Variants in AP2A2 observed in about 807,000 individuals in gnomAD.
AP2A2 encodes AP-2 complex subunit alpha-2.
A neutral mutation model predicts 104.2 loss-of-function variants in AP2A2; 32 were observed. The observed-to-expected ratio is 0.31, with a 90% CI of 0.23 to 0.41. AP2A2 has a LOEUF of 0.41. Among genes scored for constraint, AP2A2 ranks in the 10% least tolerant of loss-of-function variants. The pLI, the probability that AP2A2 is intolerant of heterozygous loss-of-function variation, is 1.00. For missense variants in AP2A2, 912 were observed against 1,261.0 expected (o/e 0.72, Z 4.19); for synonymous variants, 539 against 533.3 (o/e 1.01, Z -0.15).
At chr11:983,166 C>T (rs1004167422) in intron 6 of AP2A2, among the ~76,000 whole-genome samples, 1 of 150,886 alleles carries the variant, frequency 6.6e-6, no homozygotes, top group South Asian at 2.1e-4. Context: ...TACAGGCCGT[C>T]GCCACCACGC....
chr11:937,266 C>T lies in AP2A2; in HGVS notation c.67+11178C>T, dbSNP rs150063308. Among the ~76,000 whole-genome samples, 768 of 151,978 alleles carry T rather than the reference C, an allele frequency of 5.1e-3. 3 individuals are homozygous for T. Among genetic ancestry groups the T allele is most frequent in the Non-Finnish European group, 7.1e-3 (482 of 67,954 alleles). ...AACTCCCGACCTTAGGTGATCCGCC[C>T]GCTTCGGCCTCCCAAAGTGCTGGGA... On this transcript the variant is annotated intron_variant, in intron 1 of 21. Coordinates refer to ENST00000448903, the MANE Select transcript of AP2A2 (RefSeq NM_012305.4).
At chr11:975,763 G>A (rs570902783) in intron 4 of AP2A2, among the ~76,000 whole-genome samples, 1 of 149,060 alleles carries the variant, frequency 6.7e-6, no homozygotes, top group East Asian at 2.0e-4. Flanking sequence ...GTGAGCCGAC[G>A]TCGGAGAGTG....
rs368727985 is a variant in AP2A2 at position 985,532 on chromosome 11, G to A, written c.912G>A (p.Ala304=). ...PKSKKVQHSN[A]KNAVLFEAIS... ...CGAAGAAGGTCCAGCACTCCAACGC[G>A]AAGAATGCCGTGCTCTTCGAGGCCA... Residue 304 remains alanine (A), a synonymous_variant, in exon 8 of 22, where the codon GCG becomes GCA. Transcript: ENST00000448903. The A allele has an allele frequency of 3.7e-6, 6 of 1,613,950 alleles. No individual in the cohort carries two copies. Among genetic ancestry groups the A allele is most frequent in the Admixed American group, 1.7e-5 (1 of 60,008 alleles).
chr11:1,009,927 T>C lies in AP2A2; in HGVS notation c.2742+110T>C, dbSNP rs1007111529. Reference sequence around the variant, plus strand: ...GTGCAGTTCAGTCAGTTTTGACAGATGTTGTTTAACCACCACCCTGTCAAT... The same window carrying C: ...GTGCAGTTCAGTCAGTTTTGACAGACGTTGTTTAACCACCACCCTGTCAAT... On this transcript the variant is annotated intron_variant, in intron 21 of 21. Transcript: ENST00000448903. 2.9e-6 allele frequency: 4 copies of C among 1,366,042 alleles called. No homozygotes were observed. In the African/African-American group the frequency reaches 5.8e-5, roughly 20 times the overall value. 84.6% of individuals were successfully genotyped at this position (1,366,042 alleles called of 1,614,324 possible).
At chr11:1,004,932 G>A (rs28571573) in intron 16 of AP2A2, among the ~76,000 whole-genome samples, 149,627 of 152,278 alleles carry the variant, frequency 0.98, 73,551 homozygotes, top group Middle Eastern at 1. Context: ...AAGTTCCTCA[G>A]AACACAAAAG....
rs116640097 is a variant in AP2A2 at position 1,005,518 on chromosome 11, G to T, written c.2207-1010G>T. Among the ~76,000 whole-genome samples, 358 of 152,314 alleles carry T rather than the reference G, an allele frequency of 2.4e-3. 2 individuals are homozygous for T. The highest frequency in any genetic ancestry group is 8.4e-3 in the African/African-American group (350 of 41,552). On this transcript the variant is annotated intron_variant, in intron 16 of 21. Coordinates refer to ENST00000448903, the MANE Select transcript of AP2A2 (RefSeq NM_012305.4). The stretch of plus-strand genomic sequence containing the variant: ...GTATTTTACCACAATTTAGGAGAAA[G>T]ACATAAAAAAGCCTTTGAGTGTAAA...
At chr11:936,096 A>G (rs1304706982) in intron 1 of AP2A2, among the ~76,000 whole-genome samples, 1 of 138,986 alleles carries the variant, frequency 7.2e-6, no homozygotes, top group African/African-American at 2.7e-5. Flanking sequence ...TTTAGTAGAG[A>G]TGGGGTTTCA....
chr11:952,953 G>A (rs537072195), intron 1 of AP2A2, among the ~76,000 whole-genome samples: 1 of 152,220 alleles, frequency 6.6e-6, no homozygotes, highest in African/African-American at 2.4e-5. Flanking sequence ...CCAGGAGCAC[G>A]CTCTGCTCCT....
chr11:940,623 GTGTAAAGGTGTTTCCTTTGGCGT>G (rs1372786150), intron 1 of AP2A2: 1 of 350,324 alleles, frequency 2.9e-6, no homozygotes, highest in Non-Finnish European at 5.6e-6. Flanking sequence ...TATCTCGTCT[GTGTAAAGGTGTTTCCTTTGGCGT>G]TTCCTTCTGT....
intron 1 of AP2A2, among the ~76,000 whole-genome samples, chr11:930,053 G>A (rs1002824864): frequency 4.0e-5 from 6 of 151,022 alleles, no homozygotes; most frequent in Non-Finnish European, 4.4e-5. Context: ...CCCAGGAGGC[G>A]GAGCTTGCAG....
intron 15 of AP2A2, among the ~76,000 whole-genome samples, chr11:1,003,512 G>A (rs924855096): frequency 2.0e-5 from 3 of 152,256 alleles, no homozygotes; most frequent in Admixed American, 6.5e-5. Flanking sequence ...TCTTGCCGGG[G>A]CTGTGTCCGC....
At chr11:969,969 C>T (rs1445575961) in intron 2 of AP2A2, among the ~76,000 whole-genome samples, 200 bp from the exon 3 acceptor site, 1 of 152,164 alleles carries the variant, frequency 6.6e-6, no homozygotes, top group African/African-American at 2.4e-5. Context: ...AAATAAAAAA[C>T]TTGGACTCTC....
chr11:960,387 C>T (rs980895054), intron 2 of AP2A2, among the ~76,000 whole-genome samples: 7 of 152,096 alleles, frequency 4.6e-5, no homozygotes, highest in Non-Finnish European at 2.9e-5. Context: ...GGATTACAGG[C>T]GTGTGCCACC....
chr11:987,344 C>T (rs939948357), intron 9 of AP2A2, among the ~76,000 whole-genome samples: 6 of 152,150 alleles, frequency 3.9e-5, no homozygotes, highest in South Asian at 2.1e-4. Flanking sequence ...TCACTTTGTT[C>T]GGGGATTAAA....
intron 2 of AP2A2, among the ~76,000 whole-genome samples, chr11:961,634 G>GCCA (rs1854442327): frequency 1.4e-5 from 1 of 70,808 alleles, no homozygotes; most frequent in Non-Finnish European, 3.1e-5. Flanking sequence ...TGACAGAGTT[G>GCCA]CCACCAGTGA....
At chr11:994,993 C>T (rs1321839790) in intron 14 of AP2A2, among the ~76,000 whole-genome samples, 3 of 141,202 alleles carry the variant, frequency 2.1e-5, no homozygotes, top group Non-Finnish European at 4.8e-5. Context: ...CTGGACGCCC[C>T]TCTGGCCTGT....
Position 977,146 on chromosome 11 carries a change from G to A in AP2A2, c.525G>A (p.Leu175=). The change falls in exon 5 of 22, where the codon CTG becomes CTA. Residue 175 remains leucine, a synonymous_variant. Coordinates refer to ENST00000448903, the MANE Select transcript of AP2A2 (RefSeq NM_012305.4). Reference sequence around the variant, plus strand: ...GCGCGGCCCTGTGCTTGCTGCGCCTGTACAGGACGTCCCCCGATCTTGTCC... The same window carrying A: ...GCGCGGCCCTGTGCTTGCTGCGCCTATACAGGACGTCCCCCGATCTTGTCC... ...KQSAALCLLR[L]YRTSPDLVPM... The A allele has an allele frequency of 6.2e-7, 1 of 1,613,700 alleles. No individual in the cohort carries two copies. Among genetic ancestry groups the A allele is most frequent in the Non-Finnish European group, 8.5e-7 (1 of 1,179,736 alleles).
At chr11:966,083 C>A (rs1448745119) in intron 2 of AP2A2, among the ~76,000 whole-genome samples, 3 of 152,210 alleles carry the variant, frequency 2.0e-5, no homozygotes, top group African/African-American at 7.2e-5. Flanking sequence ...GGTGAACTCA[C>A]CCACCTCAAG....
intron 1 of AP2A2, chr11:946,697 G>A (rs1039152450): frequency 4.0e-5 from 6 of 150,112 alleles, no homozygotes; most frequent in Non-Finnish European, 8.9e-5. Flanking sequence ...TTGAACCTGG[G>A]AGGCGGAGGT....
Sources: allele counts gnomAD v4.1 joint callset (sites outside exome capture counted in the v4.1 genomes callset), GRCh38; gene constraint gnomAD v4.1.1; transcripts MANE v1.5; gene names NCBI Gene and HGNC (gene_info 2026-07-23, HGNC 2026-07-21).